NALCN: variants seen among roughly 807,000 people sequenced by gnomAD.
NALCN encodes the protein sodium leak channel, non-selective.
Under a neutral mutation model 225.3 loss-of-function variants are expected in NALCN, and 111 were observed. The observed-to-expected ratio is 0.49, with a 90% CI of 0.42 to 0.58. The LOEUF (loss-of-function observed/expected upper bound fraction) is 0.58, where lower values mean the gene tolerates loss of function less well. Among genes scored for constraint, NALCN ranks in the 20% least tolerant of loss-of-function variants. The pLI, the probability that NALCN is intolerant of heterozygous loss-of-function variation, is 0.00. For missense variants in NALCN, 1,378 were observed against 2,202.4 expected (o/e 0.63, Z 7.49); for synonymous variants, 764 against 769.0 (o/e 0.99, Z 0.11).
intron 34 of NALCN, among the ~76,000 whole-genome samples, chr13:101,080,075 C>A (rs1302990225): frequency 6.6e-6 from 1 of 152,050 alleles, no homozygotes; most frequent in Non-Finnish European, 1.5e-5. Context: ...TCAAGAAAGC[C>A]TCAAATATAT....
chr13:101,130,483 A>G (rs1216596665), intron 17 of NALCN, among the ~76,000 whole-genome samples: 1 of 152,198 alleles, frequency 6.6e-6, no homozygotes, highest in East Asian at 1.9e-4. Context: ...GAGTTCATTT[A>G]GGTTATCTGA....
At chr13:101,106,152 G>A (rs906163906) in intron 22 of NALCN, among the ~76,000 whole-genome samples, 5 of 152,110 alleles carry the variant, frequency 3.3e-5, no homozygotes, top group Non-Finnish European at 5.9e-5. Context: ...CTCCCTACGT[G>A]TCTTCGCAAG....
At chr13:101,199,363 G>A (rs1043185957) in intron 13 of NALCN, among the ~76,000 whole-genome samples, 8 of 151,324 alleles carry the variant, frequency 5.3e-5, no homozygotes, top group African/African-American at 1.5e-4. Flanking sequence ...TGTTTACTGT[G>A]GCACTATTCA....
At chr13:101,246,243 G>A (rs954199929) in intron 11 of NALCN, among the ~76,000 whole-genome samples, 1 of 152,142 alleles carries the variant, frequency 6.6e-6, no homozygotes, top group Non-Finnish European at 1.5e-5. Context: ...TAAAATGGTA[G>A]AGATGGACAT....
rs761634678 is a variant in NALCN at position 101,258,545 on chromosome 13, C to T, written c.1164G>A (p.Met388Ile). Residue 388 changes from methionine to isoleucine, a missense_variant, in exon 11 of 44, where the codon ATG becomes ATA. Around this residue, in one of 19 missense-constraint regions of NALCN, gnomAD observed 144 missense variants for 187.7 expected, o/e 0.77. Transcript: ENST00000251127. ...QKMMRSSVFH[M>I]FILSMVTVDV... ...CCACGGTCACCATGCTCAGGATGAACATGTGGAAAACGGATGACCGCATCA... is the reference window on the plus strand; with the variant it reads ...CCACGGTCACCATGCTCAGGATGAATATGTGGAAAACGGATGACCGCATCA... The T allele has an allele frequency of 6.2e-7, 1 of 1,614,130 alleles. No homozygotes were observed. Among genetic ancestry groups the T allele is most frequent in the East Asian group, 2.2e-5 (1 of 44,882 alleles).
chr13:101,072,128 C>T (rs1218901135), intron 37 of NALCN, among the ~76,000 whole-genome samples: 1 of 152,074 alleles, frequency 6.6e-6, no homozygotes, highest in Non-Finnish European at 1.5e-5. Context: ...TCACAGATCA[C>T]CAAAACAGAT....
intron 7 of NALCN, among the ~76,000 whole-genome samples, chr13:101,326,850 A>G (rs1053377394): frequency 7.2e-5 from 11 of 152,212 alleles, no homozygotes; most frequent in African/African-American, 2.4e-4. Context: ...GGCTTTGTTC[A>G]GAAGTCAAGC....
chr13:101,054,595 C>T lies in NALCN; in HGVS notation c.*700G>A, dbSNP rs1397663920. 2.6e-5 allele frequency: 4 copies of T among 152,138 alleles called. No homozygotes were observed. The highest frequency in any genetic ancestry group is 3.8e-4 in the East Asian group (2 of 5,204). 9.4% of individuals were successfully genotyped at this position (152,138 alleles called of 1,614,324 possible). ...ATTTATCTACAGGTTTGTTTTAAACCGCTAAGCATCCTGAGTCCATTTCTT... is the reference window on the plus strand; with the variant it reads ...ATTTATCTACAGGTTTGTTTTAAACTGCTAAGCATCCTGAGTCCATTTCTT... On this transcript the variant is annotated 3_prime_UTR_variant, in exon 44 of 44. Transcript: ENST00000251127.
At chr13:101,241,577 G>C (rs934867847) in intron 11 of NALCN, among the ~76,000 whole-genome samples, 1 of 152,056 alleles carries the variant, frequency 6.6e-6, no homozygotes, top group Admixed American at 6.6e-5. Flanking sequence ...CGAGTAGCTG[G>C]AATTACAGGC....
At chr13:101,352,315 T>C (rs543546646) in intron 6 of NALCN, among the ~76,000 whole-genome samples, 2 of 152,266 alleles carry the variant, frequency 1.3e-5, no homozygotes, top group African/African-American at 4.8e-5. Flanking sequence ...TGGTGGGTAC[T>C]GGGAAAACCT....
In NALCN at chr13:101,378,611, C is replaced by A. The variant is rs1376663607; in HGVS notation, c.334G>T (p.Gly112Ter). 6.2e-7 allele frequency: 1 copy of A among 1,609,556 alleles called. No homozygotes were observed. Among genetic ancestry groups the A allele is most frequent in the African/African-American group, 1.3e-5 (1 of 74,890 alleles). The change falls in exon 4 of 44, where the codon GGA (glycine) becomes TGA (stop). Residue 112 changes from glycine (G) to a stop codon, truncating the protein, a stop_gained. Coordinates refer to ENST00000251127, the MANE Select transcript of NALCN (RefSeq NM_052867.4). LOFTEE classifies it high-confidence loss of function. ...YVKDRWCVFD[G>*]FMVFCLWVSL... is the part of the protein sequence containing the mutation. ...ACCCAAAGGCAAAAGACCATAAATCCATCAAAAACACACCAGCGATCTTTC... is the reference window on the plus strand; with the variant it reads ...ACCCAAAGGCAAAAGACCATAAATCAATCAAAAACACACCAGCGATCTTTC...
intron 14 of NALCN, among the ~76,000 whole-genome samples, chr13:101,181,622 C>T (rs1270306519): frequency 6.6e-6 from 1 of 151,244 alleles, no homozygotes; most frequent in Non-Finnish European, 1.5e-5. Context: ...GCCTGTGGCC[C>T]CAGCTACTTG....
intron 17 of NALCN, among the ~76,000 whole-genome samples, chr13:101,125,504 T>C (rs1355889778): frequency 6.6e-6 from 1 of 152,180 alleles, no homozygotes; most frequent in Admixed American, 6.5e-5. Flanking sequence ...CTTAGCATGA[T>C]ATTAGTGACC....
At chr13:101,354,283 C>T (rs1468601193) in intron 6 of NALCN, among the ~76,000 whole-genome samples, 1 of 152,194 alleles carries the variant, frequency 6.6e-6, no homozygotes, top group East Asian at 1.9e-4. Context: ...GTAGAGGTTG[C>T]ACTGAGCCAA....
intron 15 of NALCN, among the ~76,000 whole-genome samples, chr13:101,162,474 A>G (rs2038236841): frequency 6.6e-6 from 1 of 152,130 alleles, no homozygotes; most frequent in Non-Finnish European, 1.5e-5. Flanking sequence ...CAGGGCAATG[A>G]CTCCAGCTCC....
At position 101,104,775 on chromosome 13, in the gene NALCN, A is replaced by G; in HGVS notation, c.2636+119T>C. 1 of 1,543,748 alleles carries G rather than the reference A, an allele frequency of 6.5e-7. No homozygotes were observed. Reference sequence around the variant, plus strand: ...ATTTTAAAAACATCATTCCCCAATCATCTATTTCATAGCACTATATAGCAA... The same window carrying G: ...ATTTTAAAAACATCATTCCCCAATCGTCTATTTCATAGCACTATATAGCAA... On this transcript the variant is annotated intron_variant, in intron 23 of 43. Transcript: ENST00000251127. This position sits in a 1 kb window ranked among gnomAD's most constrained non-coding sequence, Gnocchi z 4.2.
At chr13:101,272,259 A>G (rs1383436701) in intron 10 of NALCN, among the ~76,000 whole-genome samples, 2 of 151,356 alleles carry the variant, frequency 1.3e-5, no homozygotes, top group Non-Finnish European at 2.9e-5. Flanking sequence ...GTGTGTACAC[A>G]TGCATGCTGT....
At chr13:101,100,672 C>CCG in intron 27 of NALCN, 112 bp downstream of exon 27, 1 of 819,194 alleles carries the variant, frequency 1.2e-6, no homozygotes. Context: ...CCTTGACCTC[C>CCG]AGTTTCAAGT....
At chr13:101,107,008 G>C (rs543971614) in intron 22 of NALCN, among the ~76,000 whole-genome samples, 1 of 152,296 alleles carries the variant, frequency 6.6e-6, no homozygotes, top group African/African-American at 2.4e-5. Context: ...GGTAGAGACA[G>C]TGAACAGTGG....
Sources: allele counts gnomAD v4.1 joint callset (sites outside exome capture counted in the v4.1 genomes callset), GRCh38; gene constraint gnomAD v4.1.1; regional missense constraint gnomAD v4.1.1; non-coding constraint Gnocchi (gnomAD v3.1); transcripts MANE v1.5; gene names NCBI Gene and HGNC (gene_info 2026-07-23, HGNC 2026-07-21).